Variants in DMXL2 observed in about 807,000 individuals in gnomAD.
The protein encoded by DMXL2 is dmX-like protein 2.
DMXL2 carries 103 observed loss-of-function variants against 331.1 expected under a neutral mutation model. The ratio of observed to expected loss-of-function variants is 0.31; its 90% CI spans 0.27 to 0.37. The LOEUF (loss-of-function observed/expected upper bound fraction) is 0.37. Among genes scored for constraint, DMXL2 ranks in the 10% least tolerant of loss-of-function variants. The pLI, the probability that DMXL2 is intolerant of heterozygous loss-of-function variation, is 1.00. For synonymous variants in DMXL2, 1,281 were observed against 1,252.1 expected (o/e 1.02, Z -0.49); for missense variants, 3,171 against 3,642.9 (o/e 0.87, Z 3.33).
chr15:51,529,974 TCAACAGAATGAAGGA>T (rs1485676511), intron 13 of DMXL2, among the ~76,000 whole-genome samples: 4 of 152,060 alleles, frequency 2.6e-5, no homozygotes, highest in Middle Eastern at 3.2e-3. Flanking sequence ...ATACATTTCA[TCAACAGAATGAAGGA>T]CAACAGAATG....
intron 1 of DMXL2, among the ~76,000 whole-genome samples, chr15:51,602,062 CAT>C (rs1392387502): frequency 1.3e-5 from 2 of 152,138 alleles, no homozygotes; most frequent in Non-Finnish European, 2.9e-5. Flanking sequence ...AGCCATAAAA[CAT>C]AAACAGAAAG....
rs115479776 is a variant in DMXL2, at chr15:51,512,698, C to G, written c.2644+1744G>C. On this transcript the variant is annotated intron_variant, in intron 15 of 43. Transcript: ENST00000560891. ...GGGCTTACAGCCGAGTAGCTGTAAT[C>G]CCAGCTACTCGGGAGGCTGAGGCAG... 6.4e-3 allele frequency among the ~76,000 whole-genome samples: 971 copies of G among 151,938 alleles called. 17 individuals carry two copies. The highest frequency in any genetic ancestry group is 0.023 in the African/African-American group (934 of 41,436).
At chr15:51,564,948 A>C in intron 4 of DMXL2, 140 bp downstream of exon 4, 1 of 514,954 alleles carries the variant, frequency 1.9e-6, no homozygotes, top group Non-Finnish European at 3.2e-6. Flanking sequence ...GTATACCAAG[A>C]AGGAAAAATT....
chr15:51,577,995 A>G (rs1322344654), intron 1 of DMXL2, among the ~76,000 whole-genome samples: 2 of 152,220 alleles, frequency 1.3e-5, no homozygotes, highest in Non-Finnish European at 2.9e-5. Context: ...AAAGTGCAAG[A>G]CATGGTCCCA....
At chr15:51,486,856 C>T (rs184437010) in intron 22 of DMXL2, among the ~76,000 whole-genome samples, 1 of 152,198 alleles carries the variant, frequency 6.6e-6, no homozygotes, top group East Asian at 1.9e-4. Context: ...TCAGTCAACA[C>T]TTCTCTTTGC....
Position 51,488,119 on chromosome 15 carries a change from C to T in DMXL2, c.5052G>A (p.Arg1684=), listed in dbSNP as rs778447403. The change falls in exon 22 of 44, where the codon AGG becomes AGA. Residue 1684 remains arginine (R), a splice_region_variant and synonymous_variant. Transcript: ENST00000560891. ...KKKAVVWGLF[R]SQHDEKMTTF... ...TTGTCATTTTTTCATCATGCTGTGA[C>T]CTGGGGACCGAGCATAAACATAAAG... 6 of 1,597,208 alleles carry T rather than the reference C, an allele frequency of 3.8e-6. No individual in the cohort carries two copies. In the East Asian group the frequency reaches 1.4e-4, roughly 36 times the overall value.
intron 17 of DMXL2, among the ~76,000 whole-genome samples, chr15:51,501,382 A>G (rs1197700897): frequency 6.6e-6 from 1 of 152,330 alleles, no homozygotes; most frequent in East Asian, 1.9e-4. Context: ...CAAAATATCT[A>G]CCTTGCTAAA....
At chr15:51,512,599 CAGG>C (rs1164697033) in intron 15 of DMXL2, among the ~76,000 whole-genome samples, 2 of 152,110 alleles carry the variant, frequency 1.3e-5, no homozygotes, top group African/African-American at 4.8e-5. Flanking sequence ...CACTTGAGGT[CAGG>C]AGTTCAAGAC....
At chr15:51,543,158 T>C (rs76555053) in intron 8 of DMXL2, among the ~76,000 whole-genome samples, 3,029 of 152,272 alleles carry the variant, frequency 0.02, 103 homozygotes, top group African/African-American at 0.068. Flanking sequence ...ACTATTTTAG[T>C]CATGGGGCCA....
At position 51,578,388 on chromosome 15, in the gene DMXL2, C is replaced by T. The variant is rs147581728; in HGVS notation, c.88-2207G>A. Among the ~76,000 whole-genome samples the T allele has an allele frequency of 3.9e-5, 6 of 152,284 alleles. No homozygotes were observed. In the East Asian group the frequency reaches 5.8e-4, roughly 15 times the overall value. On this transcript the variant is annotated intron_variant, in intron 1 of 43. Coordinates refer to ENST00000560891, the MANE Select transcript of DMXL2 (RefSeq NM_001378457.1). ...GCTACTTAAGATAAATTCACTCTTA[C>T]GGCTCAGTCACTGAAAAGGCTTTTT...
intron 36 of DMXL2, 132 bp downstream of exon 36, chr15:51,458,374 C>T (rs1298587626): frequency 2.1e-6 from 2 of 936,896 alleles, no homozygotes; most frequent in Admixed American, 5.0e-5. Flanking sequence ...GCAGCTAAAC[C>T]AATTATATTT....
Position 51,500,100 on chromosome 15 carries a change from C to T in DMXL2, c.3124G>A (p.Glu1042Lys). ...CTCTTCCAATGATAAATTTCTTTCT[C>T]ATCACTTTTATTACACTCTGGGTTG... ...EANPECNKSD[E>K]KEIYHWKRWP... The change falls in exon 18 of 44, where the codon GAG becomes AAG. Residue 1042 changes from glutamate to lysine, a missense_variant. Physicochemically the swap from Glu to Lys is moderately conservative, Grantham distance 56. Coordinates refer to ENST00000560891, the MANE Select transcript of DMXL2 (RefSeq NM_001378457.1). The T allele has an allele frequency of 1.2e-6, 2 of 1,614,182 alleles. No individual in the cohort carries two copies. Among genetic ancestry groups the T allele is most frequent in the South Asian group, 2.2e-5 (2 of 91,078 alleles).
chr15:51,479,971 G>A lies in DMXL2; in HGVS notation c.6733C>T (p.His2245Tyr), dbSNP rs759938889. 2.6e-6 allele frequency: 4 copies of A among 1,518,388 alleles called. No homozygotes were observed. Among genetic ancestry groups the A allele is most frequent in the Admixed American group, 3.6e-5 (2 of 55,146 alleles). 94.1% of individuals were successfully genotyped at this position (1,518,388 alleles called of 1,614,324 possible). A position where few individuals can be genotyped will look rare whatever the true frequency, so the allele number is the denominator to read the frequency against. Reference protein sequence around the residue: ...YTIVQMKTPPHPSIEDVKVHT... With the variant: ...YTIVQMKTPPYPSIEDVKVHT... ...ACCTTCACATCTTCAATACTGGGATGAGGTGGTGTTTTCATCTGAACAATA... is the reference window on the plus strand; with the variant it reads ...ACCTTCACATCTTCAATACTGGGATAAGGTGGTGTTTTCATCTGAACAATA... Residue 2245 changes from histidine (H) to tyrosine (Y), a missense_variant, in exon 25 of 44, where the codon CAT (histidine) becomes TAT (tyrosine). Coordinates refer to ENST00000560891, the MANE Select transcript of DMXL2 (RefSeq NM_001378457.1).
intron 6 of DMXL2, among the ~76,000 whole-genome samples, chr15:51,549,466 T>C (rs2049076066): frequency 1.3e-5 from 2 of 152,316 alleles, no homozygotes; most frequent in Admixed American, 6.5e-5. Flanking sequence ...TCTTTTTCTC[T>C]GGATAGATAC....
At chr15:51,516,877 T>C (rs74013278) in intron 14 of DMXL2, among the ~76,000 whole-genome samples, 5,669 of 152,302 alleles carry the variant, frequency 0.037, 208 homozygotes, top group African/African-American at 0.092. Flanking sequence ...CACTTATAAA[T>C]GAGAACATAC....
Position 51,622,469 on chromosome 15 carries a change from A to C in DMXL2, c.77T>G (p.Val26Gly). The C allele has an allele frequency of 6.4e-7, 1 of 1,564,618 alleles. No individual in the cohort carries two copies. Among genetic ancestry groups the C allele is most frequent in the Non-Finnish European group, 8.7e-7 (1 of 1,154,124 alleles). The change falls in exon 1 of 44, where the codon GTC becomes GGC. Residue 26 changes from valine (V) to glycine (G), a missense_variant. Val to Gly is a moderately radical substitution (Grantham distance 109). Coordinates refer to ENST00000560891, the MANE Select transcript of DMXL2 (RefSeq NM_001378457.1). Reference sequence around the variant, plus strand: ...CCGGCCGCCGCTCACCGTGAAGGGGACATCCCCGACGCTGCCCACGGAGTA... The same window carrying C: ...CCGGCCGCCGCTCACCGTGAAGGGGCCATCCCCGACGCTGCCCACGGAGTA... ...NCYSVGSVGD[V>G]PFTAYGSGCD... is the part of the protein sequence containing the mutation.
At chr15:51,520,334 T>C (rs926552182) in intron 13 of DMXL2, among the ~76,000 whole-genome samples, 10 of 152,218 alleles carry the variant, frequency 6.6e-5, no homozygotes, top group Non-Finnish European at 4.4e-5. Flanking sequence ...ACTGACAGCA[T>C]TGGACAGAGA....
chr15:51,531,740 A>T (rs1290340917), intron 13 of DMXL2, among the ~76,000 whole-genome samples: 1 of 152,224 alleles, frequency 6.6e-6, no homozygotes, highest in Non-Finnish European at 1.5e-5. Context: ...TTAAAAGAAG[A>T]CATACAAATG....
chr15:51,524,757 G>C (rs908104247), intron 13 of DMXL2, among the ~76,000 whole-genome samples: 2 of 152,104 alleles, frequency 1.3e-5, no homozygotes, highest in Admixed American at 6.5e-5. Flanking sequence ...TTCCCCAAAA[G>C]CCTTGCCACC....
Sources: gnomAD v4.1 joint callset for allele counts (sites outside exome capture counted in the v4.1 genomes callset) on GRCh38, gnomAD v4.1.1 for gene constraint, MANE v1.5 for transcripts, NCBI Gene and HGNC (gene_info 2026-07-23, HGNC 2026-07-21) for gene names.